The following ZNF462 variants were observed in gnomAD, a reference collection of about 807,000 sequenced individuals.
ZNF462 encodes zinc finger PBX1-interacting protein.
Under a neutral mutation model 201.9 loss-of-function variants are expected in ZNF462, and 10 were observed. That is an observed-to-expected ratio of 0.05 (90% confidence interval 0.03 to 0.08). The LOEUF (loss-of-function observed/expected upper bound fraction) is 0.08, where lower values mean the gene tolerates loss of function less well. ZNF462 is among the 10% of genes least tolerant of loss of function. ZNF462 has a pLI of 1.00. For missense variants in ZNF462, 2,523 were observed against 3,168.3 expected, an observed-to-expected ratio of 0.80 and a Z score of 4.89; for synonymous variants, 1,227 against 1,193.3, an observed-to-expected ratio of 1.03 and a Z score of -0.58.
intron 1 of ZNF462, among the ~76,000 whole-genome samples, chr9:106,864,070 CT>C (rs1564062435): frequency 5.6e-5 from 7 of 124,128 alleles, no homozygotes; most frequent in South Asian, 3.0e-4. Flanking sequence ...CTCTCTCTCT[CT>C]CTCTCTCTCT....
Position 106,968,124 on chromosome 9 carries a change from A to G in ZNF462, c.6428-3881A>G, listed in dbSNP as rs1262582279. ...AGAACCCTAGAGGTCACCATTGAGA[A>G]CAGATGCCTAAGACACAAGACTCAG... On this transcript the variant is annotated intron_variant, in intron 7 of 12. Transcript: ENST00000277225. The surrounding 1 kb of genome is among the most constrained non-coding windows in gnomAD (Gnocchi z 4.0). 6.6e-6 allele frequency among the ~76,000 whole-genome samples: 1 copy of G among 152,172 alleles called. No homozygotes were observed. Among genetic ancestry groups the G allele is most frequent in the African/African-American group, 2.4e-5 (1 of 41,446 alleles).
rs759820360 is a variant in ZNF462 at position 106,928,787 on chromosome 9, T to G, written c.4875T>G (p.Thr1625=). ...TCCCCCTCGAGCCCGAGATGACCAC[T>G]GAAGTGAGCCCTTCCCAAGTCTCCA... The part of the protein sequence containing the change: ...LPVPLEPEMT[T]EVSPSQVSIT... Residue 1625 remains threonine, a synonymous_variant, in exon 3 of 13, where the codon ACT becomes ACG. Transcript: ENST00000277225. The surrounding 1 kb of genome is among the most constrained non-coding windows in gnomAD (Gnocchi z 9.3). The G allele has an allele frequency of 3.1e-6, 5 of 1,614,154 alleles. No homozygotes were observed. The highest frequency in any genetic ancestry group is 3.4e-6 in the Non-Finnish European group (4 of 1,180,016).
intron 1 of ZNF462, among the ~76,000 whole-genome samples, chr9:106,881,858 C>T (rs1828111938): frequency 6.6e-6 from 1 of 152,160 alleles, no homozygotes; most frequent in African/African-American, 2.4e-5. Context: ...TTTGTGCTAT[C>T]TTGAACATTC....
chr9:106,911,968 G>A lies in ZNF462; in HGVS notation c.-30-11386G>A, dbSNP rs73522967. ...CAGAATGCAGTATATAATTTGAAGC[G>A]AAATCCAGTATGAACAATATTCTGG... On this transcript the variant is annotated intron_variant, in intron 1 of 12. Transcript: ENST00000277225. Among the ~76,000 whole-genome samples the A allele has an allele frequency of 5.0e-3, 763 of 152,238 alleles. 4 individuals carry two copies. Among genetic ancestry groups the A allele is most frequent in the Middle Eastern group, 0.027 (8 of 294 alleles).
intron 7 of ZNF462, among the ~76,000 whole-genome samples, chr9:106,946,689 C>A (rs1026728132): frequency 6.6e-6 from 1 of 151,710 alleles, no homozygotes; most frequent in South Asian, 2.1e-4. Flanking sequence ...TGTGAAGAGC[C>A]CCGGTGTTGT....
At position 107,010,988 on chromosome 9, in the gene ZNF462, C is replaced by G. The variant is rs1319610745; in HGVS notation, c.7479C>G (p.Ala2493=). 1 of 1,613,536 alleles carries G rather than the reference C, an allele frequency of 6.2e-7. No homozygotes were observed. The highest frequency in any genetic ancestry group is 2.2e-5 in the East Asian group (1 of 44,768). The change falls in exon 13 of 13, where the codon GCC becomes GCG. Residue 2493 remains alanine, a synonymous_variant. Transcript: ENST00000277225. The surrounding 1 kb of genome is among the most constrained non-coding windows in gnomAD (Gnocchi z 4.6). The stretch of plus-strand genomic sequence containing the variant: ...CAGTAGCCATCTGTGTAGTAACTGC[C>G]GACAAATCTCTCCTGGAGAATGCAG... ...NETVAICVVT[A]DKSLLENAEA...
chr9:106,971,874 A>G, intron 7 of ZNF462, 131 bp from the exon 8 acceptor site: 2 of 1,153,912 alleles, frequency 1.7e-6, no homozygotes, highest in East Asian at 4.7e-5. Flanking sequence ...TTAAGTATAA[A>G]CAATTTCCGT....
chr9:106,881,317 C>G (rs1348568802), intron 1 of ZNF462, among the ~76,000 whole-genome samples: 1 of 152,104 alleles, frequency 6.6e-6, no homozygotes, highest in African/African-American at 2.4e-5. Flanking sequence ...CCTTTTCTGT[C>G]AGTATTGGTA....
intron 1 of ZNF462, among the ~76,000 whole-genome samples, chr9:106,915,156 G>T (rs2131344904): frequency 1.3e-5 from 2 of 150,206 alleles, no homozygotes; most frequent in East Asian, 4.0e-4. Flanking sequence ...TGGTTTTAGT[G>T]ATCTGAGAAC....
chr9:106,964,386 T>G (rs183875911), intron 7 of ZNF462, among the ~76,000 whole-genome samples: 25 of 152,186 alleles, frequency 1.6e-4, no homozygotes, highest in African/African-American at 6.0e-4. Flanking sequence ...CAAAATGCCT[T>G]AAGCATTTTA....
chr9:106,878,901 C>A (rs1447810449), intron 1 of ZNF462, among the ~76,000 whole-genome samples: 1 of 152,186 alleles, frequency 6.6e-6, no homozygotes, highest in Non-Finnish European at 1.5e-5. Flanking sequence ...ATTTTTAGGT[C>A]ATTTTCATCT....
chr9:106,965,369 A>T (rs1832026647), intron 7 of ZNF462, among the ~76,000 whole-genome samples: 1 of 149,730 alleles, frequency 6.7e-6, no homozygotes, highest in Non-Finnish European at 1.5e-5. Flanking sequence ...AATGATATGT[A>T]TGCTGGCTGA....
At chr9:106,979,897 A>G (rs576705369) in intron 9 of ZNF462, among the ~76,000 whole-genome samples, 1 of 152,332 alleles carries the variant, frequency 6.6e-6, no homozygotes, top group Admixed American at 6.5e-5. Context: ...TAATTGGCAT[A>G]TTAACTTAAA....
chr9:106,967,698 T>C (rs1832141787), intron 7 of ZNF462, among the ~76,000 whole-genome samples: 1 of 152,148 alleles, frequency 6.6e-6, no homozygotes, highest in Non-Finnish European at 1.5e-5. Context: ...TAGAGTGTTA[T>C]TATTTGAGGA....
At chr9:107,007,707 GT>G (rs1357117763) in intron 11 of ZNF462, among the ~76,000 whole-genome samples, 1 of 152,170 alleles carries the variant, frequency 6.6e-6, no homozygotes, top group Non-Finnish European at 1.5e-5. Flanking sequence ...AGCCTCGGGT[GT>G]TTCTGCTAGA....
rs1830236777 is a variant in ZNF462, at chr9:106,927,317, A to G, written c.3405A>G (p.Lys1135=). The G allele has an allele frequency of 1.2e-6, 2 of 1,613,828 alleles. No homozygotes were observed. The highest frequency in any genetic ancestry group is 1.7e-6 in the Non-Finnish European group (2 of 1,179,996). Residue 1135 remains lysine, a synonymous_variant, in exon 3 of 13, where the codon AAA becomes AAG. Coordinates refer to ENST00000277225, the MANE Select transcript of ZNF462 (RefSeq NM_021224.6). ...SVVGVLVHYQ[K]RHPEIKVTAK... is the part of the protein sequence containing the mutation. ...TGGGAGTGCTTGTCCACTACCAGAA[A>G]AGACACCCAGAAATAAAGGTTACTG...
intron 5 of ZNF462, among the ~76,000 whole-genome samples, chr9:106,934,880 T>C (rs914933196): frequency 1.3e-5 from 2 of 152,188 alleles, no homozygotes; most frequent in African/African-American, 4.8e-5. Flanking sequence ...CATGGTTGTG[T>C]GTATCAGAAG....
chr9:106,949,578 CTT>C (rs999083185), intron 7 of ZNF462, among the ~76,000 whole-genome samples: 1 of 152,162 alleles, frequency 6.6e-6, no homozygotes, highest in Non-Finnish European at 1.5e-5. Context: ...CAACTAATTC[CTT>C]TTTTTCCAAG....
chr9:106,861,673 C>A (rs1269493671), upstream of ZNF462, among the ~76,000 whole-genome samples: 2 of 152,176 alleles, frequency 1.3e-5, no homozygotes, highest in African/African-American at 2.4e-5. Context: ...TTTTTTGATA[C>A]TGTAGAACCC....
Sources: gnomAD v4.1 joint callset for allele counts (sites outside exome capture counted in the v4.1 genomes callset) on GRCh38, gnomAD v4.1.1 for gene constraint, Gnocchi (gnomAD v3.1) non-coding constraint, MANE v1.5 for transcripts, NCBI Gene and HGNC (gene_info 2026-07-23, HGNC 2026-07-21) for gene names.